Variants in ZNF469 observed in about 807,000 individuals in gnomAD.
The protein encoded by ZNF469 is zinc finger protein 469.
A neutral mutation model predicts 1.0 loss-of-function variants in ZNF469; 1 was observed. The ratio of observed to expected loss-of-function variants is 1.00; its 90% CI spans 0.35 to 4.73. ZNF469 has a LOEUF of 4.73. Among genes scored for constraint, ZNF469 ranks in the 30% most tolerant of loss-of-function variants. ZNF469 has a pLI of 0.16. For synonymous variants in ZNF469, 2,703 were observed against 2,363.4 expected, an observed-to-expected ratio of 1.14 and a Z score of -4.17; for missense variants, 6,100 against 5,356.3, an observed-to-expected ratio of 1.14 and a Z score of -4.33.
chr16:88,371,704 G>T, the ZNF469 span, among the ~76,000 whole-genome samples: 1 of 152,076 alleles, frequency 6.6e-6, no homozygotes, highest in South Asian at 2.1e-4. Flanking sequence ...AGCAAACCTA[G>T]CCAGCCACCA....
At chr16:88,126,723 G>T in the ZNF469 span, among the ~76,000 whole-genome samples, 1 of 151,752 alleles carries the variant, frequency 6.6e-6, no homozygotes, top group African/African-American at 2.4e-5. Context: ...GCTCGATCTC[G>T]GCTCACTGCA....
rs1463332080 is a variant in ZNF469 at position 88,431,294 on chromosome 16, C to G, written c.3824C>G (p.Thr1275Ser). 1.3e-6 allele frequency: 2 copies of G among 1,550,212 alleles called. No individual in the cohort carries two copies. Among genetic ancestry groups the G allele is most frequent in the Admixed American group, 3.9e-5 (2 of 51,018 alleles). The change falls in exon 3 of 3, where the codon ACC (threonine) becomes AGC (serine). Residue 1275 changes from threonine (T) to serine (S), a missense_variant. Thr to Ser is a moderately conservative substitution (Grantham distance 58). Transcript: ENST00000565624. ...CAGCCGCCGCCCAGCAGACATGACA[C>G]CGGCACCCCCAAGCCGTCGGGAAGC... ...PEQPPPSRHD[T>S]GTPKPSGSLA...
intron 1 of ZNF469, among the ~76,000 whole-genome samples, chr16:88,394,905 T>C (rs1036484546): frequency 3.3e-5 from 5 of 152,070 alleles, no homozygotes; most frequent in Non-Finnish European, 7.4e-5. Context: ...TTTACCAACC[T>C]GTACTCACCC....
At chr16:88,421,237 C>G (rs988259295) in intron 1 of ZNF469, among the ~76,000 whole-genome samples, 2 of 152,194 alleles carry the variant, frequency 1.3e-5, no homozygotes, top group Non-Finnish European at 2.9e-5. Flanking sequence ...CAGAGCCACC[C>G]CAACCTGCTC....
chr16:88,379,828 A>G (rs2092516436), upstream of ZNF469, among the ~76,000 whole-genome samples: 1 of 152,106 alleles, frequency 6.6e-6, no homozygotes, highest in Non-Finnish European at 1.5e-5. Context: ...CCAGGTTGCT[A>G]GTCCTCCCTG....
chr16:88,348,515 G>A, the ZNF469 span, among the ~76,000 whole-genome samples: 41 of 152,254 alleles, frequency 2.7e-4, no homozygotes, highest in South Asian at 6.2e-4. Context: ...TCAAGACCCC[G>A]CCACCCTCAG....
the ZNF469 span, among the ~76,000 whole-genome samples, chr16:88,108,648 C>A: frequency 6.6e-6 from 1 of 152,208 alleles, no homozygotes; most frequent in East Asian, 1.9e-4. Context: ...TCCCTGAAAG[C>A]AGGTGGTGGT....
the ZNF469 span, chr16:88,192,371 C>A: frequency 6.6e-6 from 1 of 152,156 alleles, no homozygotes; most frequent in Non-Finnish European, 1.5e-5. Flanking sequence ...GGAAAACACC[C>A]CCTTGGTAAC....
chr16:88,292,597 G>A, the ZNF469 span, among the ~76,000 whole-genome samples: 1 of 152,014 alleles, frequency 6.6e-6, no homozygotes, highest in Admixed American at 6.6e-5. Context: ...AGTCGGGTGG[G>A]TGGGCTGGAA....
chr16:88,109,736 A>T, the ZNF469 span, among the ~76,000 whole-genome samples: 1 of 141,942 alleles, frequency 7.0e-6, no homozygotes, highest in African/African-American at 2.7e-5. Flanking sequence ...GGAGGTGCTG[A>T]GCGTCTGTGT....
In ZNF469 at chr16:88,437,319, C is replaced by T. The variant is rs949391158; in HGVS notation, c.9849C>T (p.Asp3283=). 1.1e-5 allele frequency: 17 copies of T among 1,547,142 alleles called. No homozygotes were observed. The East Asian group carries it at 1.7e-4, about 16-fold the overall frequency. ...CACGCAGCACCCCCAGCAACCCAGA[C>T]GGGGCCGCGACCCCAGACAGCGCCT... ...PRARSTPSNP[D]GAATPDSASA... Residue 3283 remains aspartate, a synonymous_variant, in exon 3 of 3, where the codon GAC becomes GAT. Coordinates refer to ENST00000565624, the MANE Select transcript of ZNF469 (RefSeq NM_001367624.2).
the ZNF469 span, among the ~76,000 whole-genome samples, chr16:88,320,380 T>C: frequency 6.6e-6 from 1 of 152,196 alleles, no homozygotes; most frequent in Admixed American, 6.5e-5. Context: ...CGAGATTCTT[T>C]ATTCTTTTTT....
At position 88,424,167 on chromosome 16, in the gene ZNF469, A is replaced by G. The variant is rs1281111026; in HGVS notation, c.-191-640A>G. On this transcript the variant is annotated intron_variant, in intron 1 of 2. Transcript: ENST00000565624. This position sits in a 1 kb window ranked among gnomAD's most constrained non-coding sequence, Gnocchi z 4.3. ...AGGCAGCAGCCCAGTGTCCATCCAG[A>G]CAGGTCTGGGTGCTCTGCAGCCTGG... 7.2e-5 allele frequency among the ~76,000 whole-genome samples: 11 copies of G among 152,342 alleles called. No individual in the cohort carries two copies. The South Asian group carries it at 1.7e-3, about 23-fold the overall frequency.
At chr16:88,103,145 C>T in the ZNF469 span, among the ~76,000 whole-genome samples, 1 of 150,860 alleles carries the variant, frequency 6.6e-6, no homozygotes. Flanking sequence ...TCTGGCCCCT[C>T]CCCCCTCCCC....
At chr16:88,103,564 C>A in the ZNF469 span, among the ~76,000 whole-genome samples, 1 of 152,346 alleles carries the variant, frequency 6.6e-6, no homozygotes, top group East Asian at 1.9e-4. Context: ...CCTCCCTAAT[C>A]CCTTGGGGGG....
the ZNF469 span, among the ~76,000 whole-genome samples, chr16:88,336,106 G>A: frequency 2.9e-4 from 43 of 148,324 alleles, no homozygotes; most frequent in African/African-American, 9.5e-4. Context: ...CATCCTTCAC[G>A]TGAGACACTA....
chr16:88,213,048 C>T, the ZNF469 span, among the ~76,000 whole-genome samples: 1 of 151,734 alleles, frequency 6.6e-6, no homozygotes, highest in Non-Finnish European at 1.5e-5. Flanking sequence ...TGTGTTGATA[C>T]TGGGGGTGGT....
chr16:88,381,013 C>T (rs558903740), upstream of ZNF469, among the ~76,000 whole-genome samples: 38 of 145,908 alleles, frequency 2.6e-4, no homozygotes, highest in African/African-American at 7.1e-4. Context: ...CACACACATG[C>T]GCTCACAGAC....
chr16:88,324,685 A>G, the ZNF469 span, among the ~76,000 whole-genome samples: 3 of 152,220 alleles, frequency 2.0e-5, no homozygotes, highest in African/African-American at 2.4e-5. Flanking sequence ...ACTTTTAAGT[A>G]TGTGCGAATT....
Sources: gnomAD v4.1 joint callset for allele counts (sites outside exome capture counted in the v4.1 genomes callset) on GRCh38, gnomAD v4.1.1 for gene constraint, Gnocchi (gnomAD v3.1) non-coding constraint, MANE v1.5 for transcripts, NCBI Gene and HGNC (gene_info 2026-07-23, HGNC 2026-07-21) for gene names.